The following HYAL4 variants were observed in gnomAD, a reference collection of about 807,000 sequenced individuals.
HYAL4 encodes hyaluronidase 4.
Under a neutral mutation model 35.2 loss-of-function variants are expected in HYAL4, and 37 were observed. The observed-to-expected ratio is 1.05, with a 90% CI of 0.81 to 1.38. The LOEUF is 1.38. Ranked by LOEUF, HYAL4 falls within the 40% of genes most tolerant of loss-of-function variation. The pLI is 0.00. For synonymous variants in HYAL4, 198 were observed against 203.2 expected (o/e 0.97, Z 0.22); for missense variants, 572 against 572.4 (o/e 1.00, Z 0.01).
At chr7:123,772,355 G>A in the HYAL4 span, among the ~76,000 whole-genome samples, 7 of 152,156 alleles carry the variant, frequency 4.6e-5, no homozygotes, top group South Asian at 1.0e-3. Context: ...ACATCCCGTC[G>A]TGGTTCAGGC....
chr7:123,820,498 G>A, the HYAL4 span, among the ~76,000 whole-genome samples: 12 of 151,306 alleles, frequency 7.9e-5, no homozygotes, highest in African/African-American at 1.5e-4. Context: ...CAGGAGAGTC[G>A]CTTGAACCTG....
chr7:123,849,272 T>C (rs961541576), intron 2 of HYAL4, among the ~76,000 whole-genome samples: 2 of 151,896 alleles, frequency 1.3e-5, no homozygotes, highest in African/African-American at 4.8e-5. Flanking sequence ...ACAGTCTCTC[T>C]CTCTCTCTCT....
the HYAL4 span, among the ~76,000 whole-genome samples, chr7:123,821,250 C>T: frequency 6.6e-6 from 1 of 152,160 alleles, no homozygotes; most frequent in African/African-American, 2.4e-5. Context: ...TTCCATAGCT[C>T]TTGTACCATT....
chr7:123,875,797 G>A (rs915665735), intron 4 of HYAL4, among the ~76,000 whole-genome samples: 5 of 151,662 alleles, frequency 3.3e-5, no homozygotes, highest in African/African-American at 7.3e-5. Flanking sequence ...TTCCAGATGC[G>A]GTTTGTTTAT....
rs368898806 is a variant in HYAL4 at position 123,848,249 on chromosome 7, T to G, written c.-52+91T>G. On this transcript the variant is annotated intron_variant, in intron 2 of 4. Coordinates refer to ENST00000223026, the MANE Select transcript of HYAL4 (RefSeq NM_012269.3). ...TAGAAAAAAGCCAATATTAATTTCT[T>G]GGAATACTCAATTTCTTTTGCAGCC... 45 of 152,658 alleles carry G rather than the reference T, an allele frequency of 2.9e-4. 1 individual carries two copies. The highest frequency in any genetic ancestry group is 1.1e-3 in the African/African-American group (44 of 41,586). The allele number at this position is 152,658 out of a possible 1,614,324, so 9.5% of individuals were successfully genotyped here. A position where few individuals can be genotyped will look rare whatever the true frequency, so the allele number is the denominator to read the frequency against.
chr7:123,858,956 C>G (rs1806521286), intron 2 of HYAL4, among the ~76,000 whole-genome samples: 1 of 151,916 alleles, frequency 6.6e-6, no homozygotes, highest in South Asian at 2.1e-4. Flanking sequence ...AGAAAGCAAT[C>G]AGATTTGAGA....
the HYAL4 span, among the ~76,000 whole-genome samples, chr7:123,785,553 C>G: frequency 6.6e-6 from 1 of 152,178 alleles, no homozygotes; most frequent in Non-Finnish European, 1.5e-5. This position sits in a 1 kb window ranked among gnomAD's most constrained non-coding sequence, Gnocchi z 4.5. Context: ...GGCAAGTTAA[C>G]TTTCTTAGTC....
upstream of HYAL4, among the ~76,000 whole-genome samples, chr7:123,826,924 A>G (rs1805808780): frequency 1.3e-5 from 2 of 152,152 alleles, no homozygotes; most frequent in African/African-American, 4.8e-5. Context: ...TTTGCTCCTG[A>G]GGCACTGGAA....
In HYAL4 at chr7:123,876,756, C is replaced by A; in HGVS notation, c.1047C>A (p.Ala349=). The part of the protein sequence containing the change: ...WGDMNLTASK[A]NCTKVKQFVS... ...TTGATTTCTTCCTACATTTCTAGGCCAACTGTACAAAGGTGAAGCAGTTTG... is the reference window on the plus strand; with the variant it reads ...TTGATTTCTTCCTACATTTCTAGGCAAACTGTACAAAGGTGAAGCAGTTTG... Residue 349 remains alanine (A), a splice_region_variant and synonymous_variant, in exon 5 of 5, where the codon GCC becomes GCA. Transcript: ENST00000223026. The A allele has an allele frequency of 6.2e-7, 1 of 1,606,944 alleles. No individual in the cohort carries two copies. The highest frequency in any genetic ancestry group is 1.7e-4 in the Middle Eastern group (1 of 6,030).
At chr7:123,855,461 C>T (rs543985314) in intron 2 of HYAL4, among the ~76,000 whole-genome samples, 81 of 152,186 alleles carry the variant, frequency 5.3e-4, no homozygotes, top group Non-Finnish European at 9.4e-4. Flanking sequence ...CTCTTTGAAG[C>T]TTAGTTGGGC....
intron 1 of HYAL4, among the ~76,000 whole-genome samples, chr7:123,834,061 G>A (rs1309160378): frequency 1.3e-5 from 2 of 151,972 alleles, no homozygotes; most frequent in South Asian, 2.1e-4. Flanking sequence ...TGCTTTGGCT[G>A]TGTGGGCTCT....
the HYAL4 span, among the ~76,000 whole-genome samples, chr7:123,780,138 T>C: frequency 6.6e-6 from 1 of 152,174 alleles, no homozygotes; most frequent in Non-Finnish European, 1.5e-5. Context: ...ACAAATCCAG[T>C]ATTTGTAGAT....
the HYAL4 span, among the ~76,000 whole-genome samples, chr7:123,782,659 A>G: frequency 2.2e-3 from 335 of 152,266 alleles, 2 homozygotes; most frequent in Non-Finnish European, 3.7e-3. Flanking sequence ...TATGGACAGT[A>G]AGTTTCATGG....
At chr7:123,814,750 C>G in the HYAL4 span, 1 of 152,518 alleles carries the variant, frequency 6.6e-6, no homozygotes, top group African/African-American at 2.4e-5. Flanking sequence ...GTTTATGGGG[C>G]TTTTATCTCT....
the HYAL4 span, among the ~76,000 whole-genome samples, chr7:123,801,434 T>C: frequency 6.6e-6 from 1 of 152,194 alleles, no homozygotes; most frequent in African/African-American, 2.4e-5. Context: ...CTCATTAGCT[T>C]GAACCATAAA....
intron 2 of HYAL4, among the ~76,000 whole-genome samples, chr7:123,866,791 T>G (rs74385321): frequency 7.2e-6 from 1 of 139,666 alleles, no homozygotes; most frequent in Non-Finnish European, 1.5e-5. Context: ...TTCTCTCTCT[T>G]TTTTTTTTTT....
At chr7:123,810,708 C>G in the HYAL4 span, among the ~76,000 whole-genome samples, 132 of 152,312 alleles carry the variant, frequency 8.7e-4, no homozygotes, top group Non-Finnish European at 1.2e-3. Context: ...AGGGTTCACT[C>G]TTCGTGTTGT....
At chr7:123,841,899 C>CT (rs1806076366), upstream of HYAL4, among the ~76,000 whole-genome samples, 1 of 151,890 alleles carries the variant, frequency 6.6e-6, no homozygotes, top group Non-Finnish European at 1.5e-5. Flanking sequence ...CTTTATTAAT[C>CT]TTGCTAGCAG....
chr7:123,807,812 G>A, the HYAL4 span, among the ~76,000 whole-genome samples: 2 of 151,448 alleles, frequency 1.3e-5, no homozygotes, highest in Non-Finnish European at 2.9e-5. Flanking sequence ...GTTCGCGGTA[G>A]CCTCAACCTC....
Sources: allele counts gnomAD v4.1 joint callset (sites outside exome capture counted in the v4.1 genomes callset), GRCh38; gene constraint gnomAD v4.1.1; non-coding constraint Gnocchi (gnomAD v3.1); transcripts MANE v1.5; gene names NCBI Gene and HGNC (gene_info 2026-07-23, HGNC 2026-07-21).